Variants in EPHA6 observed in about 807,000 individuals in gnomAD.
The protein encoded by EPHA6 is ephrin type-A receptor 6.
In EPHA6, 50 loss-of-function variants were observed where a neutral mutation model predicts 112.0. The ratio of observed to expected loss-of-function variants is 0.45; its 90% CI spans 0.36 to 0.56. EPHA6 has a LOEUF of 0.56. Ranked by LOEUF, EPHA6 falls within the 20% of genes least tolerant of loss-of-function variation. EPHA6 has a pLI of 0.00. For missense variants in EPHA6, 1,280 were observed against 1,417.4 expected, an observed-to-expected ratio of 0.90 and a Z score of 1.56; for synonymous variants, 529 against 490.7, an observed-to-expected ratio of 1.08 and a Z score of -1.03.
At chr3:97,062,953 C>G (rs185360723) in intron 3 of EPHA6, among the ~76,000 whole-genome samples, 23 of 151,706 alleles carry the variant, frequency 1.5e-4, no homozygotes, top group African/African-American at 5.6e-4. Context: ...AAAAAAAAAG[C>G]CTAACATCAC....
chr3:96,827,113 A>C (rs1351502346), intron 1 of EPHA6, among the ~76,000 whole-genome samples: 1 of 152,112 alleles, frequency 6.6e-6, no homozygotes, highest in Non-Finnish European at 1.5e-5. Context: ...GAGCATTTAC[A>C]TGGATGGAGG....
chr3:97,573,374 CA>C (rs1202300072), intron 11 of EPHA6, among the ~76,000 whole-genome samples: 1 of 152,004 alleles, frequency 6.6e-6, no homozygotes, highest in Non-Finnish European at 1.5e-5. Context: ...CTGGCTAATA[CA>C]AAAAAGCTAA....
chr3:97,023,629 A>G (rs1285934401), intron 3 of EPHA6, among the ~76,000 whole-genome samples: 1 of 151,772 alleles, frequency 6.6e-6, no homozygotes, highest in Non-Finnish European at 1.5e-5. Context: ...TCAACTTTAT[A>G]GTATATGACC....
At chr3:97,142,762 C>T (rs2075945543) in intron 3 of EPHA6, among the ~76,000 whole-genome samples, 1 of 151,766 alleles carries the variant, frequency 6.6e-6, no homozygotes, top group African/African-American at 2.4e-5. Flanking sequence ...ACAGAAAAAG[C>T]ATTCAATAAA....
At chr3:97,719,348 G>A (rs542964152) in intron 14 of EPHA6, among the ~76,000 whole-genome samples, 1 of 151,966 alleles carries the variant, frequency 6.6e-6, no homozygotes, top group East Asian at 1.9e-4. Context: ...CCACCTCCAC[G>A]GTTTAAGACA....
chr3:97,477,078 G>A (rs1275537809), intron 8 of EPHA6, among the ~76,000 whole-genome samples: 8 of 152,060 alleles, frequency 5.3e-5, no homozygotes, highest in African/African-American at 1.4e-4. Context: ...CATCCTCTTA[G>A]GACCCTTTTC....
rs1351209317 is a variant in EPHA6 at position 97,200,284 on chromosome 3, C to A, written c.1115-25980C>A. On this transcript the variant is annotated intron_variant, in intron 3 of 17. Transcript: ENST00000389672. The stretch of plus-strand genomic sequence containing the variant: ...CAGGCTCCTTCCTGGGTCAGTGCTG[C>A]AGGGAGGCTTTAATTGGCAAGTCCG... Among the ~76,000 whole-genome samples the A allele has an allele frequency of 9.9e-5, 15 of 152,128 alleles. 1 individual carries two copies. The highest frequency in any genetic ancestry group is 1.5e-5 in the Non-Finnish European group (1 of 67,986).
At chr3:96,824,901 G>T (rs531276554) in intron 1 of EPHA6, among the ~76,000 whole-genome samples, 34 of 150,974 alleles carry the variant, frequency 2.3e-4, no homozygotes, top group African/African-American at 7.8e-4. Context: ...CTGCCCTCCC[G>T]CAAAGGACAG....
chr3:97,430,137 A>T (rs1295154656), intron 6 of EPHA6, among the ~76,000 whole-genome samples: 1 of 152,210 alleles, frequency 6.6e-6, no homozygotes, highest in Non-Finnish European at 1.5e-5. Flanking sequence ...ATTCATATTC[A>T]AACTGATGAA....
At chr3:97,525,021 G>A (rs938065232) in intron 10 of EPHA6, among the ~76,000 whole-genome samples, 15 of 152,088 alleles carry the variant, frequency 9.9e-5, no homozygotes, top group Admixed American at 3.3e-4. Flanking sequence ...TGAGGTTCCT[G>A]AATCTGTATG....
chr3:97,212,672 CT>C (rs2077908862), intron 3 of EPHA6, among the ~76,000 whole-genome samples: 2 of 152,052 alleles, frequency 1.3e-5, no homozygotes, highest in Non-Finnish European at 2.9e-5. Flanking sequence ...AGTGTATGTG[CT>C]TTTTTTCAAA....
rs1304766454 is a variant in EPHA6, at chr3:97,749,163, T to A, written c.*462T>A. ...TCATTTTTAGATAATTATATTCAGC[T>A]CTATTGGTTGTATTATTACTTTATT... On this transcript the variant is annotated 3_prime_UTR_variant, in exon 18 of 18. Transcript: ENST00000389672. 1 of 230,944 alleles carries A rather than the reference T, an allele frequency of 4.3e-6. No homozygotes were observed. Among genetic ancestry groups the A allele is most frequent in the Non-Finnish European group, 8.6e-6 (1 of 116,322 alleles). 14.3% of individuals were successfully genotyped at this position (230,944 alleles called of 1,614,324 possible).
intron 14 of EPHA6, among the ~76,000 whole-genome samples, chr3:97,719,090 C>CCCCCCCCACCCCCCCCA (rs2034390349): frequency 8.8e-5 from 1 of 11,408 alleles, no homozygotes; most frequent in Non-Finnish European, 1.8e-4. Context: ...CCCCCCCCAC[C>CCCCCCCCACCCCCCCCA]CCCCCCCCCA....
intron 3 of EPHA6, among the ~76,000 whole-genome samples, chr3:97,145,374 AT>A (rs2076015139): frequency 6.6e-6 from 1 of 151,194 alleles, no homozygotes; most frequent in African/African-American, 2.4e-5. Context: ...AATGGGCTGT[AT>A]TTTTCTTCCT....
At chr3:96,879,870 A>G (rs563747583) in intron 2 of EPHA6, among the ~76,000 whole-genome samples, 30 of 152,196 alleles carry the variant, frequency 2.0e-4, no homozygotes, top group African/African-American at 6.7e-4. Flanking sequence ...CTGAGACTTT[A>G]CTGAATTCAT....
chr3:97,544,760 A>T (rs1395925167), intron 11 of EPHA6, among the ~76,000 whole-genome samples: 4 of 152,112 alleles, frequency 2.6e-5, no homozygotes, highest in Admixed American at 2.0e-4. Context: ...TTATTGCCTC[A>T]ATTTCAGAGC....
At chr3:97,746,544 CT>C (rs1286964924) in intron 16 of EPHA6, among the ~76,000 whole-genome samples, 2 of 151,640 alleles carry the variant, frequency 1.3e-5, no homozygotes, top group African/African-American at 4.8e-5. Flanking sequence ...TGTTTTTATT[CT>C]CTCTGACTTA....
intron 11 of EPHA6, among the ~76,000 whole-genome samples, chr3:97,556,052 G>A (rs945342039): frequency 2.6e-5 from 4 of 151,790 alleles, no homozygotes; most frequent in African/African-American, 9.7e-5. Flanking sequence ...ATCACCCCAG[G>A]TATAGGAAAA....
At chr3:96,910,939 CATAA>C in intron 2 of EPHA6, among the ~76,000 whole-genome samples, 1 of 151,990 alleles carries the variant, frequency 6.6e-6, no homozygotes, top group Non-Finnish European at 1.5e-5. Flanking sequence ...TTGTTTTTCT[CATAA>C]ATAATCTTTT....
Sources: gnomAD v4.1 joint callset for allele counts (sites outside exome capture counted in the v4.1 genomes callset) on GRCh38, gnomAD v4.1.1 for gene constraint, MANE v1.5 for transcripts, NCBI Gene and HGNC (gene_info 2026-07-23, HGNC 2026-07-21) for gene names.